Variants in TXNRD3 observed in about 807,000 individuals in gnomAD.
TXNRD3 encodes thioredoxin reductase 3.
Under a neutral mutation model 78.2 loss-of-function variants are expected in TXNRD3, and 68 were observed. The observed-to-expected ratio is 0.87, with a 90% confidence interval of 0.72 to 1.06. The LOEUF is 1.06. Ranked by LOEUF, TXNRD3 falls within the 50% of genes least tolerant of loss-of-function variation. TXNRD3 has a pLI of 0.00. For missense variants in TXNRD3, 751 were observed against 809.5 expected, an observed-to-expected ratio of 0.93 and a Z score of 0.88; for synonymous variants, 296 against 300.1, an observed-to-expected ratio of 0.99 and a Z score of 0.14.
In TXNRD3 at chr3:126,621,784, G is replaced by T. The variant is rs1938462176; in HGVS notation, c.1482C>A (p.Gly494=). The T allele has an allele frequency of 6.5e-7, 1 of 1,531,608 alleles. No individual in the cohort carries two copies. The highest frequency in any genetic ancestry group is 8.7e-7 in the Non-Finnish European group (1 of 1,145,742). 94.9% of individuals were successfully genotyped at this position (1,531,608 alleles called of 1,614,324 possible). A position where few individuals can be genotyped will look rare whatever the true frequency, so the allele number is the denominator to read the frequency against. Residue 494 remains glycine, a synonymous_variant, in exon 12 of 16, where the codon GGC becomes GGA. Transcript: ENST00000524230. ...CAAAAAGTCTCTGAGCTAGCAGCTT[G>T]CCTGACTGTATGGCGACAGGAGTGA...
chr3:126,652,936 T>C (rs1933423911), intron 1 of TXNRD3, among the ~76,000 whole-genome samples: 1 of 152,228 alleles, frequency 6.6e-6, no homozygotes. Flanking sequence ...TGATTTTGTT[T>C]TTGAACTGCC....
rs542862031 is a variant in TXNRD3, at chr3:126,607,050, T to C, written c.*855A>G. The stretch of plus-strand genomic sequence containing the variant: ...TAAATTCCCATGCAACCACTTAATA[T>C]TACCTGTATTCATTTATGGAACTTT... On this transcript the variant is annotated 3_prime_UTR_variant, in exon 16 of 16. Transcript: ENST00000524230. 67 of 152,350 alleles carry C rather than the reference T, an allele frequency of 4.4e-4. No individual in the cohort carries two copies. The highest frequency in any genetic ancestry group is 1.6e-3 in the African/African-American group (66 of 41,582). 9.4% of individuals were successfully genotyped at this position (152,350 alleles called of 1,614,324 possible).
Position 126,621,700 on chromosome 3 carries a change from A to G in TXNRD3, c.1524+42T>C. On this transcript the variant is annotated intron_variant, in intron 12 of 15. Transcript: ENST00000524230. ...ACTTGTATTAGTTTTAAAAATCATGATCTTGATCAGGACATTATCTCAAAA... is the reference window on the plus strand; with the variant it reads ...ACTTGTATTAGTTTTAAAAATCATGGTCTTGATCAGGACATTATCTCAAAA... 2.8e-6 allele frequency: 4 copies of G among 1,415,868 alleles called. No homozygotes were observed. The South Asian group carries it at 6.4e-5, about 22-fold the overall frequency. 87.7% of individuals were successfully genotyped at this position (1,415,868 alleles called of 1,614,324 possible).
intron 10 of TXNRD3, among the ~76,000 whole-genome samples, chr3:126,627,242 T>C (rs1034590328): frequency 1.3e-5 from 2 of 152,214 alleles, no homozygotes; most frequent in African/African-American, 4.8e-5. Flanking sequence ...GAACTACTGA[T>C]GCACACAACA....
rs1232942030 is a variant in TXNRD3 at position 126,646,094 on chromosome 3, T to C, written c.414+17A>G. 1.3e-6 allele frequency: 2 copies of C among 1,495,290 alleles called. No individual in the cohort carries two copies. The highest frequency in any genetic ancestry group is 1.4e-5 in the African/African-American group (1 of 71,120). 92.6% of individuals were successfully genotyped at this position (1,495,290 alleles called of 1,614,324 possible). A position where few individuals can be genotyped will look rare whatever the true frequency, so the allele number is the denominator to read the frequency against. ...TATGAACAAACAGCATTGAAGAACATATAATAGTATTATTACCTGGAAAGT... is the reference window on the plus strand; with the variant it reads ...TATGAACAAACAGCATTGAAGAACACATAATAGTATTATTACCTGGAAAGT... On this transcript the variant is annotated intron_variant, in intron 3 of 15. Coordinates refer to ENST00000524230, the MANE Select transcript of TXNRD3 (RefSeq NM_052883.3).
chr3:126,608,671 G>T, intron 14 of TXNRD3, 38 bp from the exon 15 acceptor site: 2 of 1,522,850 alleles, frequency 1.3e-6, no homozygotes, highest in South Asian at 2.4e-5. Context: ...ATCCCAGTAG[G>T]TTAATGGTCT....
chr3:126,642,588 C>T (rs770659005), intron 5 of TXNRD3, among the ~76,000 whole-genome samples: 1 of 152,202 alleles, frequency 6.6e-6, no homozygotes, highest in Non-Finnish European at 1.5e-5. Context: ...TTACGCAAAA[C>T]GGAGTGCCCC....
At chr3:126,652,608 C>A (rs1933416402) in intron 1 of TXNRD3, among the ~76,000 whole-genome samples, 1 of 152,236 alleles carries the variant, frequency 6.6e-6, no homozygotes, top group African/African-American at 2.4e-5. Context: ...ACTCCGGTTT[C>A]CTCCCACATC....
intron 15 of TXNRD3, 55 bp downstream of exon 15, chr3:126,608,444 T>C (rs1938111129): frequency 8.9e-6 from 13 of 1,467,690 alleles, no homozygotes; most frequent in East Asian, 2.5e-5. Flanking sequence ...TGCTTTATAA[T>C]AGTTTTTCAA....
intron 1 of TXNRD3, among the ~76,000 whole-genome samples, chr3:126,652,982 C>G (rs553881214): frequency 6.6e-6 from 1 of 152,334 alleles, no homozygotes; most frequent in Admixed American, 6.5e-5. Flanking sequence ...TTCTGCTTTG[C>G]AAACATTTTT....
chr3:126,623,852 C>CA lies in TXNRD3; in HGVS notation c.1291-1313dup, dbSNP rs4021853. Among the ~76,000 whole-genome samples the CA allele has an allele frequency of 9.2e-3, 1,032 of 111,998 alleles. 27 individuals are homozygous for CA. The highest frequency in any genetic ancestry group is 0.033 in the African/African-American group (936 of 28,382). The allele number at this position is 111,998 out of a possible 152,430, so 73.5% of individuals were successfully genotyped here. ...GAGGTATTAGCCAGTGAAACAAGGC[C>CA]AAAAAAAAAAAAAAAAAAGATTAAA... is the stretch of plus-strand genomic sequence containing the variant. On this transcript the variant is annotated intron_variant, in intron 10 of 15. Coordinates refer to ENST00000524230, the MANE Select transcript of TXNRD3 (RefSeq NM_052883.3).
chr3:126,635,469 T>C (rs1938834495), intron 6 of TXNRD3, among the ~76,000 whole-genome samples: 1 of 152,232 alleles, frequency 6.6e-6, no homozygotes, highest in Non-Finnish European at 1.5e-5. Flanking sequence ...GTTTTATTGA[T>C]GTGTTTAGTC....
chr3:126,635,012 A>G (rs1938820472), intron 6 of TXNRD3, among the ~76,000 whole-genome samples: 1 of 152,012 alleles, frequency 6.6e-6, no homozygotes, highest in Non-Finnish European at 1.5e-5. Flanking sequence ...AAATTTTGCA[A>G]CCCAGAATAG....
In TXNRD3 at chr3:126,607,738, C is replaced by A; in HGVS notation, c.*167G>T. 1 of 420,596 alleles carries A rather than the reference C, an allele frequency of 2.4e-6. No homozygotes were observed. Among genetic ancestry groups the A allele is most frequent in the Non-Finnish European group, 4.1e-6 (1 of 245,172 alleles). 26.1% of individuals were successfully genotyped at this position (420,596 alleles called of 1,614,324 possible). On this transcript the variant is annotated 3_prime_UTR_variant, in exon 16 of 16. Coordinates refer to ENST00000524230, the MANE Select transcript of TXNRD3 (RefSeq NM_052883.3). ...AAGACCACAAGGCAGATGCCCACTG[C>A]TGTCCTCTTTCCTTGTCTACTTTCT...
rs1350598080 is a variant in TXNRD3 at position 126,608,663 on chromosome 3, C to A, written c.1729-30G>T. The A allele has an allele frequency of 9.2e-6, 14 of 1,527,738 alleles. No individual in the cohort carries two copies. The South Asian group carries it at 1.7e-4, about 18-fold the overall frequency. 94.6% of individuals were successfully genotyped at this position (1,527,738 alleles called of 1,614,324 possible). On this transcript the variant is annotated intron_variant, in intron 14 of 15. Transcript: ENST00000524230. ...AATACAGAAACAAAACAAAGAGAATCCCAGTAGGTTAATGGTCTGAATATG... is the reference window on the plus strand; with the variant it reads ...AATACAGAAACAAAACAAAGAGAATACCAGTAGGTTAATGGTCTGAATATG...
At chr3:126,626,208 A>G (rs1332767285) in intron 10 of TXNRD3, 3 of 152,234 alleles carry the variant, frequency 2.0e-5, no homozygotes, top group East Asian at 1.9e-4. Flanking sequence ...TTCAGGAAGC[A>G]AACAAAGGGA....
Position 126,631,876 on chromosome 3 carries a change from T to C in TXNRD3, c.859A>G (p.Thr287Ala). 1 of 1,534,974 alleles carries C rather than the reference T, an allele frequency of 6.5e-7. No individual in the cohort carries two copies. The highest frequency in any genetic ancestry group is 8.7e-7 in the Non-Finnish European group (1 of 1,145,914). Reference sequence around the variant, plus strand: ...TAAGTCTCCTGTCCTTTTTTATTGGTTGCCTTGAAAAAAGAGAAGTAAACC... The same window carrying C: ...TAAGTCTCCTGTCCTTTTTTATTGGCTGCCTTGAAAAAAGAGAAGTAAACC... The change falls in exon 8 of 16, where the codon ACC becomes GCC. Residue 287 changes from threonine to alanine, a missense_variant. Thr to Ala is a moderately conservative substitution (Grantham distance 58). Transcript: ENST00000524230.
chr3:126,652,699 C>G (rs1933418361), intron 1 of TXNRD3, among the ~76,000 whole-genome samples: 1 of 152,142 alleles, frequency 6.6e-6, no homozygotes, highest in Non-Finnish European at 1.5e-5. Flanking sequence ...GCAAGTGCAC[C>G]TGCAATGGGA....
At chr3:126,635,874 C>T (rs1938848294) in intron 6 of TXNRD3, among the ~76,000 whole-genome samples, 1 of 152,096 alleles carries the variant, frequency 6.6e-6, no homozygotes. Context: ...TATATATACA[C>T]ATACACATGT....
Sources: gnomAD v4.1 joint callset for allele counts (sites outside exome capture counted in the v4.1 genomes callset) on GRCh38, gnomAD v4.1.1 for gene constraint, MANE v1.5 for transcripts, NCBI Gene and HGNC (gene_info 2026-07-23, HGNC 2026-07-21) for gene names.